Variants in ZNF536 observed in about 807,000 individuals in gnomAD.
The protein encoded by ZNF536 is zinc finger protein 536.
Under a neutral mutation model 84.5 loss-of-function variants are expected in ZNF536, and 13 were observed. The ratio of observed to expected loss-of-function variants is 0.15; its 90% CI spans 0.10 to 0.24. The LOEUF is 0.24. ZNF536 is among the 10% of genes least tolerant of loss of function. ZNF536 has a pLI of 1.00. For missense variants in ZNF536, 1,536 were observed against 1,747.5 expected (o/e 0.88, Z 2.16); for synonymous variants, 811 against 742.5 (o/e 1.09, Z -1.50).
At chr19:30,641,086 A>G (rs1357898802) in intron 1 of ZNF536, among the ~76,000 whole-genome samples, 2 of 152,242 alleles carry the variant, frequency 1.3e-5, no homozygotes, top group Non-Finnish European at 2.9e-5. Context: ...TAAAATATTT[A>G]AATAAAACAT....
intron 1 of ZNF536, among the ~76,000 whole-genome samples, chr19:30,565,791 G>T (rs2046327944): frequency 6.6e-6 from 1 of 152,028 alleles, no homozygotes; most frequent in Non-Finnish European, 1.5e-5. Context: ...CCACTCCAGG[G>T]GGCCCCTCTG....
intron 2 of ZNF536, among the ~76,000 whole-genome samples, chr19:30,329,114 T>C (rs967257731): frequency 6.6e-5 from 10 of 152,192 alleles, no homozygotes; most frequent in African/African-American, 2.2e-4. Flanking sequence ...AGAGGCCTCT[T>C]AGCCCTCAAG....
At chr19:30,502,974 G>A (rs1285207665) in intron 2 of ZNF536, among the ~76,000 whole-genome samples, 1 of 152,170 alleles carries the variant, frequency 6.6e-6, no homozygotes, top group Non-Finnish European at 1.5e-5. Flanking sequence ...TTATGGGGAA[G>A]GGATACCCTC....
chr19:30,317,791 A>G (rs138780527), intron 2 of ZNF536, among the ~76,000 whole-genome samples: 5 of 152,340 alleles, frequency 3.3e-5, no homozygotes, highest in East Asian at 1.9e-4. Flanking sequence ...CATTTCATCA[A>G]TTCTTCTGAG....
At chr19:30,690,507 A>G (rs1372263673) in intron 1 of ZNF536, among the ~76,000 whole-genome samples, 2 of 152,160 alleles carry the variant, frequency 1.3e-5, no homozygotes, top group Admixed American at 6.5e-5. Flanking sequence ...AAATGATTCT[A>G]TTTGCAAAGT....
intron 3 of ZNF536, among the ~76,000 whole-genome samples, chr19:30,355,375 C>T (rs1212011515): frequency 1.3e-5 from 2 of 152,078 alleles, no homozygotes; most frequent in Admixed American, 6.5e-5. Context: ...GGCAGGGTCT[C>T]GTTGTTTTAT....
intron 1 of ZNF536, among the ~76,000 whole-genome samples, chr19:30,408,169 T>C (rs2050341550): frequency 6.6e-6 from 1 of 152,192 alleles, no homozygotes; most frequent in Admixed American, 6.5e-5. Flanking sequence ...CACAGAGGTG[T>C]AGAGGAAGTT....
At chr19:30,231,428 G>C (rs187425040) in intron 1 of ZNF536, among the ~76,000 whole-genome samples, 11 of 152,336 alleles carry the variant, frequency 7.2e-5, no homozygotes, top group Admixed American at 2.0e-4. Context: ...GAGTGGAGGG[G>C]CTTCCTCTGA....
intron 1 of ZNF536, among the ~76,000 whole-genome samples, chr19:30,657,159 A>G (rs1435439858): frequency 2.6e-5 from 4 of 152,150 alleles, no homozygotes; most frequent in African/African-American, 7.2e-5. Context: ...GGACCCTCCA[A>G]TCCAGGAGCA....
At chr19:30,226,879 A>G (rs565116864), upstream of ZNF536, among the ~76,000 whole-genome samples, 1 of 151,486 alleles carries the variant, frequency 6.6e-6, no homozygotes, top group East Asian at 1.9e-4. This position sits in a 1 kb window ranked among gnomAD's most constrained non-coding sequence, Gnocchi z 4.6. Flanking sequence ...TGACTGGGGT[A>G]GGAATGATCT....
chr19:30,475,732 C>A (rs1281243552), intron 2 of ZNF536, among the ~76,000 whole-genome samples: 3 of 152,152 alleles, frequency 2.0e-5, no homozygotes, highest in Admixed American at 1.3e-4. Context: ...CAAACCCAAC[C>A]CCACACGAGC....
chr19:30,251,672 C>T lies in ZNF536; in HGVS notation c.-190+22999C>T, dbSNP rs144437694. On this transcript the variant is annotated intron_variant, in intron 1 of 5. Coordinates refer to the ZNF536 transcript ENST00000585628. Reference sequence around the variant, plus strand: ...AGTGGTGATTTGTGAGATTTTGGTGCGCCCATCTCCTGAGCAGTACACACT... The same window carrying T: ...AGTGGTGATTTGTGAGATTTTGGTGTGCCCATCTCCTGAGCAGTACACACT... Among the ~76,000 whole-genome samples the T allele has an allele frequency of 5.4e-3, 822 of 152,208 alleles. 3 individuals are homozygous for T. Among genetic ancestry groups the T allele is most frequent in the African/African-American group, 0.018 (765 of 41,528 alleles).
chr19:30,674,263 G>A lies in ZNF536; in HGVS notation c.170-36494G>A, dbSNP rs143223748. Reference sequence around the variant, plus strand: ...GCACGTAGGCATCACTCTGTGTCCCGTAAGCAGAGCTAGGGCTGGTTCTGG... The same window carrying A: ...GCACGTAGGCATCACTCTGTGTCCCATAAGCAGAGCTAGGGCTGGTTCTGG... On this transcript the variant is annotated intron_variant, in intron 1 of 1. Coordinates refer to the ZNF536 transcript ENST00000592773. 1.5e-3 allele frequency among the ~76,000 whole-genome samples: 224 copies of A among 152,326 alleles called. 1 individual carries two copies. Among genetic ancestry groups the A allele is most frequent in the African/African-American group, 4.8e-3 (200 of 41,576 alleles).
At chr19:30,485,055 A>C (rs1284221302) in intron 2 of ZNF536, among the ~76,000 whole-genome samples, 1 of 152,056 alleles carries the variant, frequency 6.6e-6, no homozygotes, top group African/African-American at 2.4e-5. Flanking sequence ...GAGGCAGGAG[A>C]ATGGTGTGAA....
At chr19:30,680,160 A>G (rs1213539930) in intron 1 of ZNF536, among the ~76,000 whole-genome samples, 1 of 152,146 alleles carries the variant, frequency 6.6e-6, no homozygotes, top group Admixed American at 6.5e-5. Context: ...GGGACAAGAA[A>G]TGGGGAGGCA....
chr19:30,671,993 C>T (rs559325144), intron 1 of ZNF536, among the ~76,000 whole-genome samples: 14 of 152,202 alleles, frequency 9.2e-5, no homozygotes, highest in Non-Finnish European at 1.8e-4. Context: ...GTGGTCACCG[C>T]CCTGGGACCC....
intron 1 of ZNF536, among the ~76,000 whole-genome samples, chr19:30,603,114 A>C (rs1186324190): frequency 2.0e-5 from 3 of 152,204 alleles, no homozygotes; most frequent in African/African-American, 7.2e-5. Flanking sequence ...TCATAATCAC[A>C]CAGGCATCTG....
At chr19:30,507,757 A>AT (rs2055232776) in intron 2 of ZNF536, among the ~76,000 whole-genome samples, 1 of 152,230 alleles carries the variant, frequency 6.6e-6, no homozygotes, top group Admixed American at 6.5e-5. Context: ...TATACCAAAT[A>AT]TAAGTATCTA....
intron 1 of ZNF536, among the ~76,000 whole-genome samples, chr19:30,638,543 C>G (rs767691352): frequency 2.6e-5 from 4 of 152,180 alleles, no homozygotes; most frequent in African/African-American, 9.7e-5. Context: ...AACTTACTCA[C>G]TGTCACAAGA....
Sources: allele counts gnomAD v4.1 joint callset (sites outside exome capture counted in the v4.1 genomes callset), GRCh38; gene constraint gnomAD v4.1.1; non-coding constraint Gnocchi (gnomAD v3.1); transcripts MANE v1.5; gene names NCBI Gene and HGNC (gene_info 2026-07-23, HGNC 2026-07-21).